Variants in EIF4EBP2 observed in about 807,000 individuals in gnomAD.
EIF4EBP2 encodes eukaryotic translation initiation factor 4E-binding protein 2.
A neutral mutation model predicts 10.3 loss-of-function variants in EIF4EBP2; 5 were observed. The ratio of observed to expected loss-of-function variants is 0.48; its 90% confidence interval spans 0.25 to 1.02. The LOEUF (loss-of-function observed/expected upper bound fraction) is 1.02, where lower values mean the gene tolerates loss of function less well. EIF4EBP2 is among the 50% of genes least tolerant of loss of function. The pLI is 0.15. For synonymous variants in EIF4EBP2, 67 were observed against 61.1 expected (o/e 1.10, Z -0.45); for missense variants, 188 against 162.2 (o/e 1.16, Z -0.86).
chr10:70,409,562 T>G lies in EIF4EBP2; in HGVS notation c.145+5016T>G, dbSNP rs543636939. Among the ~76,000 whole-genome samples, 13 of 152,356 alleles carry G rather than the reference T, an allele frequency of 8.5e-5. No homozygotes were observed. The South Asian group carries it at 2.7e-3, about 32-fold the overall frequency. On this transcript the variant is annotated intron_variant, in intron 1 of 2. Coordinates refer to ENST00000373218, the MANE Select transcript of EIF4EBP2 (RefSeq NM_004096.5). ...CTCAAATTTAGTATCCTGATCACTA[T>G]TCCAGTTTTTTCCTCTACTGTTTTG...
intron 1 of EIF4EBP2, among the ~76,000 whole-genome samples, chr10:70,415,834 GC>G (rs1845089082): frequency 6.6e-6 from 1 of 151,752 alleles, no homozygotes; most frequent in Non-Finnish European, 1.5e-5. Context: ...CTTGGATTAG[GC>G]AGTGGCCTGA....
chr10:70,421,094 C>T (rs1167709888), intron 2 of EIF4EBP2, among the ~76,000 whole-genome samples: 3 of 152,068 alleles, frequency 2.0e-5, no homozygotes, highest in Non-Finnish European at 4.4e-5. Context: ...TGCGCCTGGC[C>T]GACCTTGTTT....
At chr10:70,418,274 A>G (rs533276090) in intron 1 of EIF4EBP2, among the ~76,000 whole-genome samples, 1 of 152,354 alleles carries the variant, frequency 6.6e-6, no homozygotes, top group East Asian at 1.9e-4. Flanking sequence ...CCATGCTGGC[A>G]TCTTAGTGTT....
At position 70,404,358 on chromosome 10, in the gene EIF4EBP2, G is replaced by GCCGCCTGC. The variant is rs1844945426; in HGVS notation, c.-38_-31dup. The GCCGCCTGC allele has an allele frequency of 6.7e-7, 1 of 1,483,984 alleles. No individual in the cohort carries two copies. The highest frequency in any genetic ancestry group is 8.9e-7 in the Non-Finnish European group (1 of 1,119,304). The allele number at this position is 1,483,984 out of a possible 1,614,324, so 91.9% of individuals were successfully genotyped here. On this transcript the variant is annotated 5_prime_UTR_variant, in exon 1 of 3. Coordinates refer to ENST00000373218, the MANE Select transcript of EIF4EBP2 (RefSeq NM_004096.5). The stretch of plus-strand genomic sequence containing the variant: ...CCGAAGCAGCCCCGGCCCCGCCGCC[G>GCCGCCTGC]CCGCCTGCCCGCCGGACAAAGCCGA...
In EIF4EBP2 at chr10:70,425,152, C is replaced by T. The variant is rs755201041; in HGVS notation, c.*3405C>T. The T allele has an allele frequency of 1.3e-5, 2 of 152,272 alleles. No homozygotes were observed. Among genetic ancestry groups the T allele is most frequent in the South Asian group, 2.1e-4 (1 of 4,830 alleles). 9.4% of individuals were successfully genotyped at this position (152,272 alleles called of 1,614,324 possible). ...TTGGCAGGATGCCTCAGTTTCTTCC[C>T]ATGTGGGTCTCTGCGTAGGGCAGCA... On this transcript the variant is annotated 3_prime_UTR_variant, in exon 3 of 3. Transcript: ENST00000373218.
In EIF4EBP2 at chr10:70,425,677, G is replaced by T. The variant is rs2137235263; in HGVS notation, c.*3930G>T. 1 of 152,234 alleles carries T rather than the reference G, an allele frequency of 6.6e-6. No individual in the cohort carries two copies. 9.4% of individuals were successfully genotyped at this position (152,234 alleles called of 1,614,324 possible). On this transcript the variant is annotated 3_prime_UTR_variant, in exon 3 of 3. Coordinates refer to ENST00000373218, the MANE Select transcript of EIF4EBP2 (RefSeq NM_004096.5). Reference sequence around the variant, plus strand: ...ATGCTTATTTGCACATCCTAGACTTGGTGTCTGTAAGACTCAGTTACCACT... The same window carrying T: ...ATGCTTATTTGCACATCCTAGACTTTGTGTCTGTAAGACTCAGTTACCACT...
chr10:70,416,912 G>A (rs1163647317), intron 1 of EIF4EBP2, among the ~76,000 whole-genome samples: 6 of 151,956 alleles, frequency 3.9e-5, no homozygotes, highest in Non-Finnish European at 7.4e-5. Flanking sequence ...AGTAATACAC[G>A]TTGGCCTCCC....
chr10:70,419,241 G>GT (rs773567181), intron 1 of EIF4EBP2, among the ~76,000 whole-genome samples: 81 of 152,244 alleles, frequency 5.3e-4, no homozygotes, highest in Middle Eastern at 3.4e-3. Flanking sequence ...TTGACCATTT[G>GT]TAAGCAGCAC....
At chr10:70,410,042 G>GT (rs1376790019) in intron 1 of EIF4EBP2, among the ~76,000 whole-genome samples, 2 of 152,090 alleles carry the variant, frequency 1.3e-5, no homozygotes, top group Non-Finnish European at 2.9e-5. Context: ...AAAATAAAGA[G>GT]TATTGGGGGT....
At chr10:70,410,236 A>G (rs1177648282) in intron 1 of EIF4EBP2, among the ~76,000 whole-genome samples, 1 of 151,954 alleles carries the variant, frequency 6.6e-6, no homozygotes. Context: ...CGCGTGGCTG[A>G]TTTTTGTATT....
At chr10:70,418,225 T>G (rs1021316049) in intron 1 of EIF4EBP2, among the ~76,000 whole-genome samples, 5 of 152,196 alleles carry the variant, frequency 3.3e-5, no homozygotes, top group African/African-American at 1.2e-4. Flanking sequence ...AGAAGGCAGC[T>G]ACCTACAAGC....
At chr10:70,410,708 T>G (rs1845035344) in intron 1 of EIF4EBP2, among the ~76,000 whole-genome samples, 1 of 152,240 alleles carries the variant, frequency 6.6e-6, no homozygotes, top group Admixed American at 6.5e-5. Flanking sequence ...TTTCCTTTCT[T>G]ATTTTCCCTT....
chr10:70,412,707 T>C (rs1482705399), intron 1 of EIF4EBP2, among the ~76,000 whole-genome samples: 4 of 152,206 alleles, frequency 2.6e-5, no homozygotes, highest in Non-Finnish European at 5.9e-5. Flanking sequence ...GATAGGGTTT[T>C]TCCCCCCTCT....
In EIF4EBP2 at chr10:70,425,392, G is replaced by A. The variant is rs1241594540; in HGVS notation, c.*3645G>A. 3 of 152,250 alleles carry A rather than the reference G, an allele frequency of 2.0e-5. No individual in the cohort carries two copies. Among genetic ancestry groups the A allele is most frequent in the African/African-American group, 7.2e-5 (3 of 41,464 alleles). 9.4% of individuals were successfully genotyped at this position (152,250 alleles called of 1,614,324 possible). On this transcript the variant is annotated 3_prime_UTR_variant, in exon 3 of 3. Transcript: ENST00000373218. ...CACATACCTCTACCCCAATGGAGCA[G>A]TAGCAAAGAATTTATGGACATATCT...
chr10:70,426,853 A>G lies in EIF4EBP2; in HGVS notation c.*5106A>G, dbSNP rs1315893551. The G allele has an allele frequency of 1.3e-5, 2 of 152,180 alleles. No individual in the cohort carries two copies. Among genetic ancestry groups the G allele is most frequent in the African/African-American group, 4.8e-5 (2 of 41,426 alleles). 9.4% of individuals were successfully genotyped at this position (152,180 alleles called of 1,614,324 possible). ...ACCTTACCTTTCCAGCTCAAACACC[A>G]TTAGTTAAATTCCTTCATTCTCATT... On this transcript the variant is annotated 3_prime_UTR_variant, in exon 3 of 3. Coordinates refer to ENST00000373218, the MANE Select transcript of EIF4EBP2 (RefSeq NM_004096.5).
At chr10:70,420,264 A>G (rs149390953) in intron 2 of EIF4EBP2, among the ~76,000 whole-genome samples, 165 bp downstream of exon 2, 2,930 of 152,290 alleles carry the variant, frequency 0.019, 38 homozygotes, top group South Asian at 0.026. Context: ...CAGTGGCACA[A>G]TCTCAGCACA....
At chr10:70,412,003 A>G (rs1247050615) in intron 1 of EIF4EBP2, among the ~76,000 whole-genome samples, 1 of 152,088 alleles carries the variant, frequency 6.6e-6, no homozygotes, top group Non-Finnish European at 1.5e-5. Context: ...TTGCTGCCAG[A>G]TTCCCTCATT....
chr10:70,410,024 A>G (rs1399372217), intron 1 of EIF4EBP2, among the ~76,000 whole-genome samples: 1 of 152,162 alleles, frequency 6.6e-6, no homozygotes, highest in African/African-American at 2.4e-5. Flanking sequence ...GTGAAAGTGA[A>G]CTATACCAAA....
chr10:70,422,012 C>T lies in EIF4EBP2; in HGVS notation c.*265C>T. Reference sequence around the variant, plus strand: ...TGTATTTCTGTAGAGCTAAGCAGCCCTTAGAGGAAAACAGTTCAACTCTGA... The same window carrying T: ...TGTATTTCTGTAGAGCTAAGCAGCCTTTAGAGGAAAACAGTTCAACTCTGA... On this transcript the variant is annotated 3_prime_UTR_variant, in exon 3 of 3. Coordinates refer to ENST00000373218, the MANE Select transcript of EIF4EBP2 (RefSeq NM_004096.5). The T allele has an allele frequency of 2.3e-6, 1 of 442,536 alleles. No individual in the cohort carries two copies. The highest frequency in any genetic ancestry group is 1.9e-5 in the African/African-American group (1 of 51,414). 27.4% of individuals were successfully genotyped at this position (442,536 alleles called of 1,614,324 possible). A position where few individuals can be genotyped will look rare whatever the true frequency, so the allele number is the denominator to read the frequency against.
Sources: gnomAD v4.1 joint callset for allele counts (sites outside exome capture counted in the v4.1 genomes callset) on GRCh38, gnomAD v4.1.1 for gene constraint, MANE v1.5 for transcripts, NCBI Gene and HGNC (gene_info 2026-07-23, HGNC 2026-07-21) for gene names.